ADARB2: variants seen among roughly 807,000 people sequenced by gnomAD.
The protein encoded by ADARB2 is adenosine deaminase RNA specific B2 (inactive).
ADARB2 carries 25 observed loss-of-function variants against 62.2 expected under a neutral mutation model. The ratio of observed to expected loss-of-function variants is 0.40; its 90% CI spans 0.29 to 0.56. The LOEUF is 0.56. ADARB2 is among the 20% of genes least tolerant of loss of function. The pLI is 0.43. For synonymous variants in ADARB2, 572 were observed against 500.8 expected, an observed-to-expected ratio of 1.14 and a Z score of -1.90; for missense variants, 1,071 against 1,077.4, an observed-to-expected ratio of 0.99 and a Z score of 0.08.
chr10:1,472,380 A>G (rs1014251486), intron 1 of ADARB2, among the ~76,000 whole-genome samples: 1 of 152,142 alleles, frequency 6.6e-6, no homozygotes, highest in Non-Finnish European at 1.5e-5. Flanking sequence ...GGCGAGGGCC[A>G]CGCGGCTCAG....
At chr10:1,656,767 C>A (rs905972266) in intron 1 of ADARB2, among the ~76,000 whole-genome samples, 1 of 151,992 alleles carries the variant, frequency 6.6e-6, no homozygotes, top group African/African-American at 2.4e-5. Flanking sequence ...GGTAATTAAT[C>A]TTTTTTTAAT....
Position 1,525,858 on chromosome 10 carries a change from C to T in ADARB2, c.101-146698G>A, listed in dbSNP as rs549849420. On this transcript the variant is annotated intron_variant, in intron 1 of 9. Transcript: ENST00000381312. ...ATGTTCATGTGCTTGTGTGTGTGCG[C>T]GTGTCTGCGTGCGTTTATGTGCGTG... Among the ~76,000 whole-genome samples, 6 of 151,446 alleles carry T rather than the reference C, an allele frequency of 4.0e-5. No homozygotes were observed. In the South Asian group the frequency reaches 1.3e-3, roughly 32 times the overall value.
chr10:1,279,926 C>G (rs1831355534), intron 3 of ADARB2, among the ~76,000 whole-genome samples: 1 of 152,162 alleles, frequency 6.6e-6, no homozygotes, highest in African/African-American at 2.4e-5. Flanking sequence ...TGTTGAGGCT[C>G]AGGACTTCAC....
At chr10:1,720,147 G>A (rs938612547) in intron 1 of ADARB2, among the ~76,000 whole-genome samples, 8 of 152,150 alleles carry the variant, frequency 5.3e-5, no homozygotes, top group African/African-American at 1.9e-4. Flanking sequence ...ATGGTGGATT[G>A]GATAAAGAAA....
At chr10:1,219,005 G>C (rs970146083) in intron 6 of ADARB2, among the ~76,000 whole-genome samples, 9 of 147,020 alleles carry the variant, frequency 6.1e-5, no homozygotes, top group African/African-American at 2.0e-4. Context: ...AGCCGAGATT[G>C]TGCCACTGTA....
At chr10:1,610,944 T>G (rs886377901) in intron 1 of ADARB2, among the ~76,000 whole-genome samples, 11 of 152,168 alleles carry the variant, frequency 7.2e-5, no homozygotes, top group Non-Finnish European at 1.6e-4. Context: ...CTTTAACTCA[T>G]GAATTTTGGG....
intron 2 of ADARB2, among the ~76,000 whole-genome samples, chr10:1,368,335 A>G (rs990163737): frequency 2.6e-5 from 4 of 152,162 alleles, no homozygotes; most frequent in Non-Finnish European, 4.4e-5. Flanking sequence ...GTGAGGGAAC[A>G]TGGGACGCAT....
At chr10:1,192,645 T>A (rs1187646692) in intron 8 of ADARB2, among the ~76,000 whole-genome samples, 1 of 152,244 alleles carries the variant, frequency 6.6e-6, no homozygotes, top group East Asian at 1.9e-4. Context: ...TGCTGTGAGA[T>A]AGTCCTAAAA....
intron 1 of ADARB2, among the ~76,000 whole-genome samples, chr10:1,531,523 T>G (rs1832239631): frequency 6.6e-6 from 1 of 152,218 alleles, no homozygotes; most frequent in Non-Finnish European, 1.5e-5. Flanking sequence ...TGCAGGCTGA[T>G]CATTGTTACA....
intron 1 of ADARB2, among the ~76,000 whole-genome samples, chr10:1,380,218 G>A (rs1391336813): frequency 6.6e-6 from 1 of 152,326 alleles, no homozygotes; most frequent in South Asian, 2.1e-4. Flanking sequence ...TGATTAAGAC[G>A]CCCCAGGTGG....
chr10:1,457,573 T>G (rs1354684818), intron 1 of ADARB2, among the ~76,000 whole-genome samples: 2 of 152,186 alleles, frequency 1.3e-5, no homozygotes, highest in Non-Finnish European at 2.9e-5. Flanking sequence ...AAGTTACGCT[T>G]CAGAGCTGAG....
intron 1 of ADARB2, among the ~76,000 whole-genome samples, chr10:1,724,235 T>G (rs1161659413): frequency 6.6e-6 from 1 of 152,238 alleles, no homozygotes; most frequent in Non-Finnish European, 1.5e-5. Context: ...CTTTTTCTGC[T>G]GCTGGCTTTT....
rs572915614 is a variant in ADARB2 at position 1,425,948 on chromosome 10, G to A, written c.101-46788C>T. 1.8e-4 allele frequency among the ~76,000 whole-genome samples: 28 copies of A among 152,300 alleles called. No individual in the cohort carries two copies. In the South Asian group the frequency reaches 3.5e-3, roughly 19 times the overall value. Reference sequence around the variant, plus strand: ...AGTGGAGGACAGAGAATGACCCGACGTGGAGCTGAGCGGGTGAGGGCTAAT... The same window carrying A: ...AGTGGAGGACAGAGAATGACCCGACATGGAGCTGAGCGGGTGAGGGCTAAT... On this transcript the variant is annotated intron_variant, in intron 1 of 9. Coordinates refer to ENST00000381312, the MANE Select transcript of ADARB2 (RefSeq NM_018702.4).
intron 2 of ADARB2, among the ~76,000 whole-genome samples, chr10:1,369,190 T>C (rs1370772507): frequency 1.3e-5 from 2 of 152,208 alleles, no homozygotes; most frequent in Non-Finnish European, 1.5e-5. Flanking sequence ...TTTTTCTCCA[T>C]ATAATCAACA....
At chr10:1,500,111 G>A (rs1018566796) in intron 1 of ADARB2, among the ~76,000 whole-genome samples, 5 of 152,198 alleles carry the variant, frequency 3.3e-5, no homozygotes, top group African/African-American at 1.2e-4. Flanking sequence ...AGATTCAAGA[G>A]TTCTTTTGAA....
At chr10:1,613,371 AT>A (rs1833594470) in intron 1 of ADARB2, among the ~76,000 whole-genome samples, 1 of 152,270 alleles carries the variant, frequency 6.6e-6, no homozygotes, top group African/African-American at 2.4e-5. Flanking sequence ...TGTCTTTATA[AT>A]TTTTCCTACT....
intron 3 of ADARB2, among the ~76,000 whole-genome samples, chr10:1,346,877 T>G (rs1364319615): frequency 6.6e-6 from 1 of 152,246 alleles, no homozygotes; most frequent in Non-Finnish European, 1.5e-5. Flanking sequence ...AAGCTCCAGT[T>G]TTGGGCAAAA....
intron 1 of ADARB2, among the ~76,000 whole-genome samples, chr10:1,507,275 A>T (rs1246133289): frequency 6.6e-6 from 1 of 152,216 alleles, no homozygotes; most frequent in Non-Finnish European, 1.5e-5. Context: ...TGGCTGTAGA[A>T]GAGGAGCTCG....
intron 3 of ADARB2, among the ~76,000 whole-genome samples, chr10:1,352,738 C>G (rs1252662290): frequency 6.6e-6 from 1 of 152,208 alleles, no homozygotes; most frequent in Non-Finnish European, 1.5e-5. Flanking sequence ...TTCAGCTATA[C>G]TTACTCTTTG....
Sources: allele counts gnomAD v4.1 joint callset (sites outside exome capture counted in the v4.1 genomes callset), GRCh38; gene constraint gnomAD v4.1.1; transcripts MANE v1.5; gene names NCBI Gene and HGNC (gene_info 2026-07-23, HGNC 2026-07-21).